The following SLTM variants were observed in gnomAD, a reference collection of about 807,000 sequenced individuals.
The protein encoded by SLTM is SAFB-like transcription modulator.
A neutral mutation model predicts 134.6 loss-of-function variants in SLTM; 43 were observed. The ratio of observed to expected loss-of-function variants is 0.32; its 90% CI spans 0.25 to 0.41. The LOEUF (loss-of-function observed/expected upper bound fraction) is 0.41, where lower values mean the gene tolerates loss of function less well. Among genes scored for constraint, SLTM ranks in the 10% least tolerant of loss-of-function variants. SLTM has a pLI of 1.00. For missense variants in SLTM, 1,055 were observed against 1,288.8 expected (o/e 0.82, Z 2.78); for synonymous variants, 424 against 432.3 (o/e 0.98, Z 0.24).
intron 20 of SLTM, among the ~76,000 whole-genome samples, chr15:58,883,265 A>G (rs562404668): frequency 2.0e-5 from 3 of 152,338 alleles, no homozygotes; most frequent in Non-Finnish European, 4.4e-5. Context: ...CAGTGAGCCA[A>G]GACCTCGCCA....
intron 2 of SLTM, among the ~76,000 whole-genome samples, chr15:58,924,484 A>T (rs1212901708): frequency 6.6e-6 from 1 of 152,328 alleles, no homozygotes; most frequent in South Asian, 2.1e-4. Context: ...TTATTAAGTT[A>T]AACCTCCCAG....
In SLTM at chr15:58,894,205, G is replaced by T; in HGVS notation, c.1378-12C>A. ...GGATCACCTTTTACCTGAAAGGTTC[G>T]AACCAGAAAAACAATTTGTACATAT... On this transcript the variant is annotated splice_polypyrimidine_tract_variant and intron_variant, in intron 10 of 20. Coordinates refer to ENST00000380516, the MANE Select transcript of SLTM (RefSeq NM_024755.4). The T allele has an allele frequency of 6.4e-7, 1 of 1,572,228 alleles. No homozygotes were observed. The highest frequency in any genetic ancestry group is 1.1e-5 in the South Asian group (1 of 87,752).
intron 5 of SLTM, among the ~76,000 whole-genome samples, chr15:58,902,552 ATTTT>A (rs530592795): frequency 6.8e-6 from 1 of 146,288 alleles, no homozygotes. Context: ...TGTCCAGCGA[ATTTT>A]TTTTTTTTAA....
chr15:58,899,632 T>C lies in SLTM; in HGVS notation c.895A>G (p.Met299Val), dbSNP rs1337714920. 2.5e-6 allele frequency: 4 copies of C among 1,614,104 alleles called. No homozygotes were observed. Among genetic ancestry groups the C allele is most frequent in the African/African-American group, 2.7e-5 (2 of 74,954 alleles). ...SPEKESKDYE[M>V]NANHKDGKKE... is the part of the protein sequence containing the mutation. ...TTACCATCTTTATGGTTCGCATTCA[T>C]CTCATAATCCTTGCTTTCCTTCTCC... Residue 299 changes from methionine (M) to valine (V), a missense_variant, in exon 7 of 21, where the codon ATG becomes GTG. Physicochemically the swap from Met to Val is conservative, Grantham distance 21. Transcript: ENST00000380516. This position sits in a 1 kb window ranked among gnomAD's most constrained non-coding sequence, Gnocchi z 5.0.
chr15:58,884,043 G>A (rs1387274947), intron 19 of SLTM, among the ~76,000 whole-genome samples: 1 of 151,118 alleles, frequency 6.6e-6, no homozygotes, highest in African/African-American at 2.4e-5. Flanking sequence ...AGGTTGCAGT[G>A]AGCTGAGATT....
In SLTM at chr15:58,897,293, A is replaced by G. The variant is rs1212664744; in HGVS notation, c.1109-60T>C. 1.4e-5 allele frequency: 13 copies of G among 933,880 alleles called. No homozygotes were observed. In the African/African-American group the frequency reaches 1.8e-4, roughly 13 times the overall value. The allele number at this position is 933,880 out of a possible 1,614,324, so 57.8% of individuals were successfully genotyped here. On this transcript the variant is annotated intron_variant, in intron 8 of 20. Coordinates refer to ENST00000380516, the MANE Select transcript of SLTM (RefSeq NM_024755.4). ...TCAATCAGAATCTTTATACAAAACT[A>G]TAAGGGCCACATTCTTTCAAAACTA...
At chr15:58,923,839 C>T (rs1210998488) in intron 2 of SLTM, among the ~76,000 whole-genome samples, 1 of 122,656 alleles carries the variant, frequency 8.2e-6, no homozygotes, top group African/African-American at 3.1e-5. Context: ...GACACTGTCT[C>T]GCTCTTCTTG....
In SLTM at chr15:58,913,577, T is replaced by C. The variant is rs2036428804; in HGVS notation, c.435A>G (p.Ala145=). 1 of 1,613,514 alleles carries C rather than the reference T, an allele frequency of 6.2e-7. No homozygotes were observed. The change falls in exon 4 of 21, where the codon GCA becomes GCG. Residue 145 remains alanine, a synonymous_variant. Transcript: ENST00000380516. ...ATTCATGAGCTCTCTTGTTTTCTTC[T>C]GCAGAGAGTAACTCCTTGGAATGCA... The part of the protein sequence containing the change: ...ENVHSKELLS[A]EENKRAHELI...
At chr15:58,883,884 G>A in intron 19 of SLTM, 98 bp from the exon 20 acceptor site, 4 of 1,365,080 alleles carry the variant, frequency 2.9e-6, no homozygotes, top group Non-Finnish European at 4.0e-6. Flanking sequence ...GATCACCTGA[G>A]GTCAGGAGTT....
At chr15:58,902,183 G>C (rs1266164827) in intron 5 of SLTM, among the ~76,000 whole-genome samples, 2 of 152,004 alleles carry the variant, frequency 1.3e-5, no homozygotes, top group African/African-American at 4.8e-5. Context: ...CCAAATATAA[G>C]ACTATAAAGA....
intron 3 of SLTM, 76 bp downstream of exon 3, chr15:58,916,859 A>G: frequency 1.5e-6 from 2 of 1,339,694 alleles, no homozygotes; most frequent in Non-Finnish European, 2.1e-6. Flanking sequence ...CCATTGTTCA[A>G]CAAAAAGCAC....
intron 8 of SLTM, 71 bp downstream of exon 8, chr15:58,898,732 G>A (rs1023733622): frequency 3.9e-5 from 46 of 1,168,814 alleles, no homozygotes; most frequent in African/African-American, 1.2e-4. Context: ...AGAAAACACC[G>A]CGCAACTACT....
At chr15:58,884,928 C>A (rs1423355648) in intron 19 of SLTM, among the ~76,000 whole-genome samples, 2 of 152,184 alleles carry the variant, frequency 1.3e-5, no homozygotes, top group Non-Finnish European at 2.9e-5. Context: ...AGCCACCAGG[C>A]CTGGCCATTA....
intron 9 of SLTM, 140 bp from the exon 10 acceptor site, chr15:58,894,722 TGAGA>T: frequency 2.7e-6 from 2 of 753,588 alleles, no homozygotes; most frequent in Non-Finnish European, 4.1e-6. Flanking sequence ...TTTTTTTTTT[TGAGA>T]TGGAGTCACA....
intron 14 of SLTM, among the ~76,000 whole-genome samples, chr15:58,892,366 T>C (rs2034721391): frequency 6.6e-6 from 1 of 152,240 alleles, no homozygotes; most frequent in Non-Finnish European, 1.5e-5. Context: ...CGAATACCAT[T>C]AGGCTCACAG....
rs1291246819 is a variant in SLTM, at chr15:58,879,347, A to G, written c.*652T>C. 1 of 152,440 alleles carries G rather than the reference A, an allele frequency of 6.6e-6. No individual in the cohort carries two copies. The highest frequency in any genetic ancestry group is 1.5e-5 in the Non-Finnish European group (1 of 68,034). The allele number at this position is 152,440 out of a possible 1,614,324, so 9.4% of individuals were successfully genotyped here. ...ATCTATTTGGTTTCATACCATGCAA[A>G]CCTGAACAAGTGTGCTGCTACACTA... is the stretch of plus-strand genomic sequence containing the variant. On this transcript the variant is annotated 3_prime_UTR_variant, in exon 21 of 21. Coordinates refer to ENST00000380516, the MANE Select transcript of SLTM (RefSeq NM_024755.4).
intron 17 of SLTM, 112 bp from the exon 18 acceptor site, chr15:58,887,652 G>C (rs552738530): frequency 6.8e-7 from 1 of 1,475,276 alleles, no homozygotes; most frequent in Non-Finnish European, 8.9e-7. Flanking sequence ...ATGAACTTAA[G>C]GCAAAGCCAT....
chr15:58,921,545 A>C (rs1254927844), intron 2 of SLTM: 3 of 440,388 alleles, frequency 6.8e-6, no homozygotes, highest in African/African-American at 4.0e-5. Context: ...CAGCTGTTAC[A>C]ATACAATCAC....
chr15:58,922,786 C>T lies in SLTM; in HGVS notation c.251-5787G>A, dbSNP rs190829744. On this transcript the variant is annotated intron_variant, in intron 2 of 20. Transcript: ENST00000380516. ...GGAGTGCAGTGGTGTGATCTTGGCT[C>T]ACTGCCACCTCCATCTTGTGGGTTC... Among the ~76,000 whole-genome samples the T allele has an allele frequency of 7.9e-4, 120 of 151,078 alleles. 1 individual carries two copies. Among genetic ancestry groups the T allele is most frequent in the Middle Eastern group, 3.4e-3 (1 of 292 alleles).
Sources: allele counts gnomAD v4.1 joint callset (sites outside exome capture counted in the v4.1 genomes callset), GRCh38; gene constraint gnomAD v4.1.1; non-coding constraint Gnocchi (gnomAD v3.1); transcripts MANE v1.5; gene names NCBI Gene and HGNC (gene_info 2026-07-23, HGNC 2026-07-21).